Variants in DNAAF9 observed in about 807,000 individuals in gnomAD.
DNAAF9 encodes dynein axonemal assembly factor 9.
A neutral mutation model predicts 167.0 loss-of-function variants in DNAAF9; 90 were observed. That is an observed-to-expected ratio of 0.54 (90% CI 0.45 to 0.64). DNAAF9 has a LOEUF of 0.64. Ranked by LOEUF, DNAAF9 falls within the 30% of genes least tolerant of loss-of-function variation. The pLI, the probability that DNAAF9 is intolerant of heterozygous loss-of-function variation, is 0.00. For synonymous variants in DNAAF9, 491 were observed against 508.8 expected (o/e 0.96, Z 0.47); for missense variants, 1,315 against 1,442.2 (o/e 0.91, Z 1.43).
intron 30 of DNAAF9, among the ~76,000 whole-genome samples, chr20:3,265,108 T>C (rs545985150): frequency 6.6e-6 from 1 of 152,070 alleles, no homozygotes; most frequent in Admixed American, 6.5e-5. Context: ...TTGTTAGAAA[T>C]GCAGAACCTC....
intron 1 of DNAAF9, among the ~76,000 whole-genome samples, chr20:3,399,911 C>G (rs1267364179): frequency 6.6e-6 from 1 of 152,182 alleles, no homozygotes; most frequent in Non-Finnish European, 1.5e-5. Context: ...TCCTGATAGG[C>G]CACCTTATCT....
intron 7 of DNAAF9, among the ~76,000 whole-genome samples, chr20:3,351,219 G>A (rs2070316755): frequency 6.6e-6 from 1 of 152,208 alleles, no homozygotes; most frequent in South Asian, 2.1e-4. Flanking sequence ...TGGGGCAGGT[G>A]CAGTGGCTCA....
At chr20:3,262,533 G>T (rs796753539) in intron 31 of DNAAF9, among the ~76,000 whole-genome samples, 1 of 152,250 alleles carries the variant, frequency 6.6e-6, no homozygotes, top group South Asian at 2.1e-4. Context: ...ACAGGTGTGA[G>T]CCACCACATC....
chr20:3,304,201 G>A (rs192545359), intron 21 of DNAAF9, among the ~76,000 whole-genome samples: 3 of 152,246 alleles, frequency 2.0e-5, no homozygotes, highest in Middle Eastern at 3.4e-3. Context: ...TGGCCCTTCT[G>A]ACCAGAAGCC....
At chr20:3,316,871 C>T in intron 17 of DNAAF9, 78 bp from the exon 18 acceptor site, 1 of 816,688 alleles carries the variant, frequency 1.2e-6, no homozygotes. Flanking sequence ...CCTAAATGCC[C>T]TTCTCAGGAG....
intron 26 of DNAAF9, among the ~76,000 whole-genome samples, chr20:3,289,517 T>C (rs1268705423): frequency 6.6e-6 from 1 of 152,116 alleles, no homozygotes; most frequent in African/African-American, 2.4e-5. Flanking sequence ...CTTTATTTTC[T>C]GTTTTTTTGT....
chr20:3,253,696 C>T, intron 36 of DNAAF9, 30 bp downstream of exon 36: 2 of 1,380,630 alleles, frequency 1.4e-6, no homozygotes, highest in Non-Finnish European at 2.1e-6. Flanking sequence ...GCCCGGGTTC[C>T]ACACAGGGAC....
At chr20:3,349,857 G>A (rs992341058) in intron 7 of DNAAF9, among the ~76,000 whole-genome samples, 5 of 151,974 alleles carry the variant, frequency 3.3e-5, no homozygotes, top group African/African-American at 9.7e-5. Context: ...ACTCAAATTG[G>A]ACAGTCATCT....
intron 14 of DNAAF9, among the ~76,000 whole-genome samples, chr20:3,324,060 A>C (rs1288427234): frequency 1.3e-5 from 2 of 152,216 alleles, no homozygotes; most frequent in African/African-American, 4.8e-5. Context: ...AAGATCCAGA[A>C]GACCCAGGGG....
At chr20:3,366,071 A>C (rs1184091630) in intron 6 of DNAAF9, among the ~76,000 whole-genome samples, 1 of 152,200 alleles carries the variant, frequency 6.6e-6, no homozygotes, top group Non-Finnish European at 1.5e-5. Context: ...ACTCCTGTTA[A>C]TGTTGTTATT....
chr20:3,359,688 T>C, intron 6 of DNAAF9, 95 bp from the exon 7 acceptor site: 1 of 823,634 alleles, frequency 1.2e-6, no homozygotes, highest in East Asian at 2.6e-5. Flanking sequence ...TCTTTTGGTA[T>C]AAACTAGTGT....
Position 3,298,111 on chromosome 20 carries a change from G to A in DNAAF9, c.1847C>T (p.Pro616Leu), listed in dbSNP as rs778174277. ...ATTGCTTGATCCATGGAAATGAACTGGGAGGTGAGGAAGCAATGAGCTTTT... is the reference window on the plus strand; with the variant it reads ...ATTGCTTGATCCATGGAAATGAACTAGGAGGTGAGGAAGCAATGAGCTTTT... ...DFKSSLLPHL[P>L]VHFHGSSNFL... The change falls in exon 22 of 37, where the codon CCA becomes CTA. Residue 616 changes from proline to leucine, a missense_variant. Pro to Leu is a moderately conservative substitution (Grantham distance 98). Around this residue, in one of 2 missense-constraint regions of DNAAF9, gnomAD observed 981 missense variants for 1,012.5 expected, o/e 0.97. Transcript: ENST00000252032. 6.2e-7 allele frequency: 1 copy of A among 1,611,902 alleles called. No individual in the cohort carries two copies. Among genetic ancestry groups the A allele is most frequent in the Non-Finnish European group, 8.5e-7 (1 of 1,177,956 alleles).
intron 17 of DNAAF9, among the ~76,000 whole-genome samples, chr20:3,317,692 G>A (rs2123036850): frequency 6.6e-6 from 1 of 152,002 alleles, no homozygotes; most frequent in East Asian, 1.9e-4. Flanking sequence ...CGCCTCCTAG[G>A]TTCAAGTGAT....
chr20:3,376,373 A>G, intron 3 of DNAAF9, 71 bp from the exon 4 acceptor site: 1 of 1,294,448 alleles, frequency 7.7e-7, no homozygotes, highest in Non-Finnish European at 1.1e-6. Context: ...TGCCCACATA[A>G]TTAGTAAAAC....
rs770312561 is a variant in DNAAF9 at position 3,294,645 on chromosome 20, C to T, written c.2019-16G>A. 2 of 1,537,708 alleles carry T rather than the reference C, an allele frequency of 1.3e-6. No individual in the cohort carries two copies. Among genetic ancestry groups the T allele is most frequent in the Admixed American group, 3.3e-5 (2 of 59,870 alleles). On this transcript the variant is annotated splice_polypyrimidine_tract_variant and intron_variant, in intron 23 of 36. Transcript: ENST00000252032. ...ACTGGAGTGCCTGGAATAACAAAAG[C>T]TCACAGATTAGAAGTCCATCTTCCT...
intron 6 of DNAAF9, among the ~76,000 whole-genome samples, chr20:3,362,512 G>A (rs1009550608): frequency 6.7e-6 from 1 of 150,142 alleles, no homozygotes; most frequent in Admixed American, 6.6e-5. Context: ...AATCAATTCT[G>A]TTTTTTTTCT....
At chr20:3,271,010 A>G (rs1415128507) in intron 29 of DNAAF9, among the ~76,000 whole-genome samples, 1 of 151,890 alleles carries the variant, frequency 6.6e-6, no homozygotes, top group African/African-American at 2.4e-5. Context: ...ACGGGGTTTC[A>G]CCATGTTGGC....
chr20:3,258,758 C>T (rs1600655671), intron 33 of DNAAF9, among the ~76,000 whole-genome samples: 2 of 152,242 alleles, frequency 1.3e-5, no homozygotes, highest in Middle Eastern at 3.4e-3. Flanking sequence ...ACTTGTTATA[C>T]AGCCAACACC....
chr20:3,265,352 G>A lies in DNAAF9; in HGVS notation c.2787-828C>T, dbSNP rs566768474. Among the ~76,000 whole-genome samples, 11 of 151,796 alleles carry A rather than the reference G, an allele frequency of 7.2e-5. No homozygotes were observed. The East Asian group carries it at 2.2e-3, about 30-fold the overall frequency. ...GGCCGAGGCAGGCGGATCACCTGGG[G>A]TCAGGAGTTCAAGACCAGCCTGGCC... On this transcript the variant is annotated intron_variant, in intron 30 of 36. Transcript: ENST00000252032.
Sources: allele counts gnomAD v4.1 joint callset (sites outside exome capture counted in the v4.1 genomes callset), GRCh38; gene constraint gnomAD v4.1.1; regional missense constraint gnomAD v4.1.1; transcripts MANE v1.5; gene names NCBI Gene and HGNC (gene_info 2026-07-23, HGNC 2026-07-21).